FHOD3: variants seen among roughly 807,000 people sequenced by gnomAD.
FHOD3 encodes the protein formin homology 2 domain containing 3.
Under a neutral mutation model 173.0 loss-of-function variants are expected in FHOD3, and 90 were observed. The observed-to-expected ratio is 0.52, with a 90% CI of 0.44 to 0.62. The LOEUF is 0.62. Ranked by LOEUF, FHOD3 falls within the 20% of genes least tolerant of loss-of-function variation. The pLI is 0.00. For missense variants in FHOD3, 1,945 were observed against 2,034.7 expected, an observed-to-expected ratio of 0.96 and a Z score of 0.85; for synonymous variants, 828 against 823.0, an observed-to-expected ratio of 1.01 and a Z score of -0.10.
intron 2 of FHOD3, among the ~76,000 whole-genome samples, chr18:36,364,248 T>A (rs769993955): frequency 5.9e-5 from 9 of 152,162 alleles, no homozygotes; most frequent in Non-Finnish European, 1.2e-4. Context: ...TGTATAAGAT[T>A]CCAAATATAG....
At chr18:36,329,898 A>G (rs2036426077) in intron 1 of FHOD3, among the ~76,000 whole-genome samples, 1 of 152,238 alleles carries the variant, frequency 6.6e-6, no homozygotes, top group Non-Finnish European at 1.5e-5. Context: ...TTTCACTTGC[A>G]TATGCTAAAT....
At chr18:36,535,777 A>G (rs1239540980) in intron 5 of FHOD3, among the ~76,000 whole-genome samples, 1 of 152,078 alleles carries the variant, frequency 6.6e-6, no homozygotes, top group Non-Finnish European at 1.5e-5. Context: ...AATTCAATAA[A>G]TTTTTTTGCC....
chr18:36,767,315 A>C (rs1046477279), intron 27 of FHOD3, among the ~76,000 whole-genome samples: 1 of 152,130 alleles, frequency 6.6e-6, no homozygotes, highest in South Asian at 2.1e-4. Flanking sequence ...AACCAAAAAA[A>C]AAAACTGTAT....
intron 18 of FHOD3, among the ~76,000 whole-genome samples, chr18:36,717,213 A>G (rs778161822): frequency 1.3e-5 from 2 of 152,084 alleles, no homozygotes; most frequent in Non-Finnish European, 2.9e-5. Flanking sequence ...GTTATCTCTG[A>G]GGATGAGACG....
chr18:36,476,990 TAAATG>T (rs1477338380), intron 3 of FHOD3, among the ~76,000 whole-genome samples: 6 of 152,136 alleles, frequency 3.9e-5, no homozygotes, highest in African/African-American at 1.4e-4. Flanking sequence ...GTGTCATAAA[TAAATG>T]GGGTGATACA....
At chr18:36,352,824 C>T (rs1163781200) in intron 1 of FHOD3, among the ~76,000 whole-genome samples, 1 of 152,202 alleles carries the variant, frequency 6.6e-6, no homozygotes, top group Non-Finnish European at 1.5e-5. Flanking sequence ...ATCAGCTGAA[C>T]ACACTAAATC....
chr18:36,595,289 C>T (rs1340565729), intron 7 of FHOD3, among the ~76,000 whole-genome samples: 1 of 152,124 alleles, frequency 6.6e-6, no homozygotes, highest in Non-Finnish European at 1.5e-5. Context: ...AGAACCTTCT[C>T]CCTTCCTCTC....
chr18:36,489,618 G>A (rs1483935316), intron 3 of FHOD3, among the ~76,000 whole-genome samples: 1 of 152,180 alleles, frequency 6.6e-6, no homozygotes, highest in East Asian at 1.9e-4. Context: ...GCTGCAGTGA[G>A]CCATGTTCAT....
intron 3 of FHOD3, among the ~76,000 whole-genome samples, chr18:36,493,573 G>T (rs968230401): frequency 1.3e-5 from 2 of 152,182 alleles, no homozygotes; most frequent in African/African-American, 4.8e-5. Context: ...ATTTTGTAGA[G>T]GCTGTCTTGG....
At chr18:36,677,353 C>T (rs1448584002) in intron 14 of FHOD3, among the ~76,000 whole-genome samples, 1 of 151,908 alleles carries the variant, frequency 6.6e-6, no homozygotes, top group African/African-American at 2.4e-5. Context: ...GGCTTCTCCA[C>T]GTTGGTCAGG....
intron 3 of FHOD3, among the ~76,000 whole-genome samples, chr18:36,382,061 C>T (rs930849965): frequency 6.6e-6 from 1 of 152,134 alleles, no homozygotes; most frequent in Non-Finnish European, 1.5e-5. Flanking sequence ...CGCAGTGGGG[C>T]CCAGGTCTCC....
intron 3 of FHOD3, among the ~76,000 whole-genome samples, chr18:36,378,254 C>T (rs901628757): frequency 6.6e-6 from 1 of 152,088 alleles, no homozygotes; most frequent in Non-Finnish European, 1.5e-5. Context: ...GTGCTTGGTC[C>T]TTTAAAAATA....
chr18:36,747,143 G>A lies in FHOD3; in HGVS notation c.4232+8G>A. On this transcript the variant is annotated splice_region_variant and intron_variant, in intron 24 of 28. Transcript: ENST00000590592. The stretch of plus-strand genomic sequence containing the variant: ...TAGAAGGATAATCAACAGGTAAGTG[G>A]ATTGAGGAACTTATAGAAATATCAG... The A allele has an allele frequency of 6.3e-7, 1 of 1,594,516 alleles. No individual in the cohort carries two copies. Among genetic ancestry groups the A allele is most frequent in the South Asian group, 1.1e-5 (1 of 87,704 alleles).
rs570195236 is a variant in FHOD3 at position 36,515,215 on chromosome 18, TTTTA to T, written c.511+2688_511+2691del. On this transcript the variant is annotated intron_variant, in intron 5 of 28. Coordinates refer to ENST00000590592, the MANE Select transcript of FHOD3 (RefSeq NM_001281740.3). Reference sequence around the variant, plus strand: ...TTACCATGAAGCTTACAGCCGTTTATTTTATTTATTTATTTATTTTGAGACAGAG... The same window carrying T: ...TTACCATGAAGCTTACAGCCGTTTATTTTATTTATTTATTTTGAGACAGAG... Among the ~76,000 whole-genome samples, 38 of 152,250 alleles carry T rather than the reference TTTTA, an allele frequency of 2.5e-4. No homozygotes were observed. In the South Asian group the frequency reaches 5.6e-3, roughly 22 times the overall value.
intron 28 of FHOD3, among the ~76,000 whole-genome samples, chr18:36,769,706 G>A (rs1025461903): frequency 5.9e-5 from 9 of 152,084 alleles, no homozygotes; most frequent in African/African-American, 2.2e-4. Context: ...AAGTCCTTAA[G>A]TGTCTGTGGT....
chr18:36,481,750 G>T (rs1314903525), intron 3 of FHOD3, among the ~76,000 whole-genome samples: 1 of 152,082 alleles, frequency 6.6e-6, no homozygotes, highest in African/African-American at 2.4e-5. Context: ...AACTGTCAAA[G>T]ACAAAGGTAT....
chr18:36,702,792 C>T (rs1231211289), intron 17 of FHOD3, among the ~76,000 whole-genome samples: 1 of 152,250 alleles, frequency 6.6e-6, no homozygotes, highest in African/African-American at 2.4e-5. Flanking sequence ...AACATTGAAA[C>T]ATTCCTGCCC....
intron 3 of FHOD3, among the ~76,000 whole-genome samples, chr18:36,452,192 CTT>C (rs984868458): frequency 1.3e-5 from 2 of 152,086 alleles, no homozygotes; most frequent in African/African-American, 4.8e-5. Flanking sequence ...TATCTTAAGA[CTT>C]TTATTTTAAA....
intron 16 of FHOD3, among the ~76,000 whole-genome samples, chr18:36,687,619 C>T (rs1455091471): frequency 6.6e-6 from 1 of 152,132 alleles, no homozygotes; most frequent in African/African-American, 2.4e-5. Context: ...ACTTACCTGT[C>T]TCCCTACTGA....
Sources: allele counts gnomAD v4.1 joint callset (sites outside exome capture counted in the v4.1 genomes callset), GRCh38; gene constraint gnomAD v4.1.1; transcripts MANE v1.5; gene names NCBI Gene and HGNC (gene_info 2026-07-23, HGNC 2026-07-21).